The following SNAP25 variants were observed in gnomAD, a reference collection of about 807,000 sequenced individuals.
SNAP25 encodes the protein synaptosomal-associated protein 25.
A neutral mutation model predicts 28.7 loss-of-function variants in SNAP25; 3 were observed. That is an observed-to-expected ratio of 0.10 (90% CI 0.05 to 0.27). The LOEUF (loss-of-function observed/expected upper bound fraction) is 0.27, where lower values mean the gene tolerates loss of function less well. SNAP25 is among the 10% of genes least tolerant of loss of function. SNAP25 has a pLI of 1.00. For synonymous variants in SNAP25, 61 were observed against 88.1 expected, an observed-to-expected ratio of 0.69 and a Z score of 1.72; for missense variants, 117 against 278.7, an observed-to-expected ratio of 0.42 and a Z score of 4.13.
chr20:10,229,467 G>A (rs1327253411), intron 1 of SNAP25, among the ~76,000 whole-genome samples: 1 of 152,098 alleles, frequency 6.6e-6, no homozygotes, highest in Admixed American at 6.6e-5. Flanking sequence ...GCACAAGCAA[G>A]TTACAAGAAT....
At chr20:10,247,613 C>T (rs1439217250) in intron 1 of SNAP25, among the ~76,000 whole-genome samples, 3 of 152,156 alleles carry the variant, frequency 2.0e-5, no homozygotes, top group Non-Finnish European at 2.9e-5. Context: ...ATGACTGATG[C>T]GCCTTCCAAG....
intron 1 of SNAP25, among the ~76,000 whole-genome samples, chr20:10,270,855 A>T (rs1343359939): frequency 6.6e-6 from 1 of 152,190 alleles, no homozygotes; most frequent in Non-Finnish European, 1.5e-5. Context: ...CCTGGACCAC[A>T]CCTTGTAAAG....
At chr20:10,275,391 AT>A in intron 1 of SNAP25, 37 bp from the exon 2 acceptor site, 1 of 1,046,164 alleles carries the variant, frequency 9.6e-7, no homozygotes, top group Non-Finnish European at 1.4e-6. Flanking sequence ...ACATGAACAT[AT>A]ATAAGCTCTC....
At chr20:10,219,810 G>C (rs1485970861) in intron 1 of SNAP25, 1 of 152,194 alleles carries the variant, frequency 6.6e-6, no homozygotes, top group African/African-American at 2.4e-5. Flanking sequence ...CTTAATAGAG[G>C]AGTCATAGTA....
At chr20:10,259,245 A>G (rs1389810561) in intron 1 of SNAP25, among the ~76,000 whole-genome samples, 1 of 152,222 alleles carries the variant, frequency 6.6e-6, no homozygotes, top group Non-Finnish European at 1.5e-5. Flanking sequence ...GAGGAATAAC[A>G]ATTAGGTTGG....
intron 1 of SNAP25, among the ~76,000 whole-genome samples, chr20:10,262,032 G>A (rs574865131): frequency 6.6e-6 from 1 of 152,174 alleles, no homozygotes; most frequent in Non-Finnish European, 1.5e-5. Context: ...TCATGTGCCT[G>A]CTTTTAATTC....
chr20:10,272,895 C>T (rs552321021), intron 1 of SNAP25, among the ~76,000 whole-genome samples: 3 of 152,312 alleles, frequency 2.0e-5, no homozygotes, highest in African/African-American at 7.2e-5. Flanking sequence ...ACGGTGAAAC[C>T]TGTTATCTCC....
intron 1 of SNAP25, among the ~76,000 whole-genome samples, chr20:10,274,426 C>T (rs1028353454): frequency 6.6e-6 from 1 of 152,284 alleles, no homozygotes; most frequent in African/African-American, 2.4e-5. Context: ...TTAATACATG[C>T]TGCAACATAG....
At chr20:10,266,414 A>G (rs1435306227) in intron 1 of SNAP25, among the ~76,000 whole-genome samples, 1 of 152,212 alleles carries the variant, frequency 6.6e-6, no homozygotes, top group East Asian at 1.9e-4. Context: ...TAGTCTCCAA[A>G]CAAATCCAAG....
Position 10,251,496 on chromosome 20 carries a change from A to G in SNAP25, c.-63-23933A>G, listed in dbSNP as rs1025422887. 5.9e-5 allele frequency among the ~76,000 whole-genome samples: 9 copies of G among 152,356 alleles called. No individual in the cohort carries two copies. The South Asian group carries it at 1.7e-3, about 28-fold the overall frequency. The stretch of plus-strand genomic sequence containing the variant: ...TATTATGGCAAAAGAAATAGCAGAC[A>G]TTGGAAGGATTACAGTAAAAGTAAG... On this transcript the variant is annotated intron_variant, in intron 1 of 7. Transcript: ENST00000254976.
In SNAP25 at chr20:10,293,390, C is replaced by T. The variant is rs962777401; in HGVS notation, c.281+112C>T. 1.1e-5 allele frequency: 8 copies of T among 737,372 alleles called. No individual in the cohort carries two copies. The highest frequency in any genetic ancestry group is 1.8e-5 in the African/African-American group (1 of 56,986). 45.7% of individuals were successfully genotyped at this position (737,372 alleles called of 1,614,324 possible). A position where few individuals can be genotyped will look rare whatever the true frequency, so the allele number is the denominator to read the frequency against. ...CAGGATGAGCATGTGGCATGCAGAA[C>T]AGATCAATACCGTCTCCAATGCATT... On this transcript the variant is annotated intron_variant, in intron 5 of 7. Transcript: ENST00000254976. The surrounding 1 kb of genome is among the most constrained non-coding windows in gnomAD (Gnocchi z 5.6).
intron 1 of SNAP25, among the ~76,000 whole-genome samples, chr20:10,236,176 C>T (rs557184782): frequency 1.6e-4 from 25 of 152,262 alleles, no homozygotes; most frequent in African/African-American, 5.8e-4. Flanking sequence ...AAACTTAGAC[C>T]TGGCTTATTA....
rs1273102284 is a variant in SNAP25, at chr20:10,293,070, G to A, written c.164-91G>A. On this transcript the variant is annotated intron_variant, in intron 4 of 7. Coordinates refer to ENST00000254976, the MANE Select transcript of SNAP25 (RefSeq NM_130811.4). The surrounding 1 kb of genome is among the most constrained non-coding windows in gnomAD (Gnocchi z 5.6). ...TCTTTTTTTTTTTTTCTTTTTTAAT[G>A]TCAAAGTGAATGTCTGAAGTTTTGT... 1.7e-5 allele frequency: 22 copies of A among 1,313,890 alleles called. No homozygotes were observed. The highest frequency in any genetic ancestry group is 2.2e-5 in the Non-Finnish European group (21 of 946,972). The allele number at this position is 1,313,890 out of a possible 1,614,324, so 81.4% of individuals were successfully genotyped here. A position where few individuals can be genotyped will look rare whatever the true frequency, so the allele number is the denominator to read the frequency against.
intron 1 of SNAP25, among the ~76,000 whole-genome samples, chr20:10,269,661 A>G (rs949263806): frequency 1.3e-5 from 2 of 152,198 alleles, no homozygotes; most frequent in Admixed American, 6.5e-5. Flanking sequence ...TTTTGGGGGC[A>G]TATAGTCTTT....
intron 7 of SNAP25, among the ~76,000 whole-genome samples, chr20:10,301,369 C>T (rs1165217156): frequency 1.3e-5 from 2 of 152,112 alleles, no homozygotes; most frequent in Non-Finnish European, 2.9e-5. Flanking sequence ...GTCTAATTGC[C>T]TTTGAATAAC....
At chr20:10,257,256 A>AT (rs2063333324) in intron 1 of SNAP25, among the ~76,000 whole-genome samples, 1 of 152,198 alleles carries the variant, frequency 6.6e-6, no homozygotes, top group African/African-American at 2.4e-5. Flanking sequence ...AAGAATAAAT[A>AT]TTTATTTAGC....
chr20:10,306,685 A>T lies in SNAP25; in HGVS notation c.*488A>T, dbSNP rs369368066. 1 of 153,426 alleles carries T rather than the reference A, an allele frequency of 6.5e-6. No homozygotes were observed. Among genetic ancestry groups the T allele is most frequent in the African/African-American group, 2.4e-5 (1 of 41,454 alleles). 9.5% of individuals were successfully genotyped at this position (153,426 alleles called of 1,614,324 possible). On this transcript the variant is annotated 3_prime_UTR_variant, in exon 8 of 8. Coordinates refer to ENST00000254976, the MANE Select transcript of SNAP25 (RefSeq NM_130811.4). Reference sequence around the variant, plus strand: ...TCATGATTAGACAATGTGGAATTACATAACAGGCATTGCACTAAAAGTGAT... The same window carrying T: ...TCATGATTAGACAATGTGGAATTACTTAACAGGCATTGCACTAAAAGTGAT...
chr20:10,225,799 A>G (rs1295471492), intron 1 of SNAP25, among the ~76,000 whole-genome samples: 3 of 152,112 alleles, frequency 2.0e-5, no homozygotes, highest in Non-Finnish European at 2.9e-5. Flanking sequence ...TTCAAATGAC[A>G]CTAGTCACAG....
At position 10,299,512 on chromosome 20, in the gene SNAP25, G is replaced by A. The variant is rs187298844; in HGVS notation, c.552+100G>A. Reference sequence around the variant, plus strand: ...AACAAGATCCTCAAAACACGACCTTGGATTCAGGCGCACTGATAGCTGGAA... The same window carrying A: ...AACAAGATCCTCAAAACACGACCTTAGATTCAGGCGCACTGATAGCTGGAA... On this transcript the variant is annotated intron_variant, in intron 7 of 7. Transcript: ENST00000254976. The A allele has an allele frequency of 6.6e-6, 8 of 1,204,280 alleles. No homozygotes were observed. In the East Asian group the frequency reaches 1.6e-4, roughly 24 times the overall value. 74.6% of individuals were successfully genotyped at this position (1,204,280 alleles called of 1,614,324 possible).
Sources: gnomAD v4.1 joint callset for allele counts (sites outside exome capture counted in the v4.1 genomes callset) on GRCh38, gnomAD v4.1.1 for gene constraint, Gnocchi (gnomAD v3.1) non-coding constraint, MANE v1.5 for transcripts, NCBI Gene and HGNC (gene_info 2026-07-23, HGNC 2026-07-21) for gene names.